DMTF1: variants seen among roughly 807,000 people sequenced by gnomAD.
The protein encoded by DMTF1 is cyclin-D-binding Myb-like transcription factor 1.
DMTF1 carries 39 observed loss-of-function variants against 91.1 expected under a neutral mutation model. That is an observed-to-expected ratio of 0.43 (90% confidence interval 0.33 to 0.56). The LOEUF (loss-of-function observed/expected upper bound fraction) is 0.56. Among genes scored for constraint, DMTF1 ranks in the 20% least tolerant of loss-of-function variants. The pLI, the probability that DMTF1 is intolerant of heterozygous loss-of-function variation, is 0.05. For missense variants in DMTF1, 750 were observed against 914.5 expected (o/e 0.82, Z 2.32); for synonymous variants, 338 against 309.5 (o/e 1.09, Z -0.97).
chr7:87,167,463 T>C (rs1794090630), intron 4 of DMTF1, among the ~76,000 whole-genome samples: 1 of 152,234 alleles, frequency 6.6e-6, no homozygotes, highest in African/African-American at 2.4e-5. Flanking sequence ...GTTGGCACTC[T>C]TAGCACAAAG....
intron 3 of DMTF1, among the ~76,000 whole-genome samples, chr7:87,165,722 TC>T (rs1176460586): frequency 6.6e-6 from 1 of 152,212 alleles, no homozygotes; most frequent in Non-Finnish European, 1.5e-5. Flanking sequence ...TACATGTACT[TC>T]CTAAACCTAG....
At chr7:87,187,397 G>C (rs1214970185) in intron 12 of DMTF1, 5 of 152,234 alleles carry the variant, frequency 3.3e-5, no homozygotes, top group African/African-American at 1.2e-4. Flanking sequence ...AATTAGCCAG[G>C]CATGGTGGGC....
intron 1 of DMTF1, among the ~76,000 whole-genome samples, chr7:87,157,338 G>C (rs1244175432): frequency 1.9e-4 from 29 of 152,106 alleles, no homozygotes; most frequent in Admixed American, 1.9e-3. Context: ...TAGAATCACA[G>C]CTCCAAGCCT....
rs371027158 is a variant in DMTF1, at chr7:87,153,572, TTCTC to T, written c.-132+1020_-132+1023del. Among the ~76,000 whole-genome samples, 47 of 152,284 alleles carry T rather than the reference TTCTC, an allele frequency of 3.1e-4. No homozygotes were observed. The East Asian group carries it at 6.6e-3, about 21-fold the overall frequency. ...ACAGTATGAGTCAGGACTCCTCCCT[TTCTC>T]TCATTGAATTTGTGTAGTTGCTTTT... On this transcript the variant is annotated intron_variant, in intron 1 of 17. Transcript: ENST00000331242.
In DMTF1 at chr7:87,194,729, G is replaced by T; in HGVS notation, c.2074G>T (p.Asp692Tyr). 6.2e-7 allele frequency: 1 copy of T among 1,610,676 alleles called. No homozygotes were observed. Among genetic ancestry groups the T allele is most frequent in the Non-Finnish European group, 8.5e-7 (1 of 1,177,754 alleles). The change falls in exon 17 of 18, where the codon GAT becomes TAT. Residue 692 changes from aspartate to tyrosine, a missense_variant. By Grantham distance (160) the Asp-to-Tyr change is radical. Around this residue, in one of 3 missense-constraint regions of DMTF1, gnomAD observed 410 missense variants for 420.2 expected, o/e 0.98. Coordinates refer to ENST00000331242, the MANE Select transcript of DMTF1 (RefSeq NM_001142327.2). ...TIEEQVDQTIDDETILIVPSP... is the reference protein window; with the variant it reads ...TIEEQVDQTIYDETILIVPSP... ...AGAAGAACAAGTTGATCAAACAATT[G>T]ATGATGAAACAATACTTATCGTTCC...
At chr7:87,181,971 C>CT in intron 9 of DMTF1, 1 of 1,438,296 alleles carries the variant, frequency 7.0e-7, no homozygotes, top group Non-Finnish European at 9.2e-7. Flanking sequence ...GGAAATTGGT[C>CT]TTTTTTGAAC....
In DMTF1 at chr7:87,165,039, G is replaced by A; in HGVS notation, c.98G>A (p.Cys33Tyr). Residue 33 changes from cysteine to tyrosine, a missense_variant, in exon 3 of 18, where the codon TGC becomes TAC. Around this residue, in one of 3 missense-constraint regions of DMTF1, gnomAD observed 150 missense variants for 150.4 expected, o/e 1.00. Transcript: ENST00000331242. ...QDTEGNLILH[C>Y]PQNEADEIDS... is the part of the protein sequence containing the mutation. ...ACAGAAGGGAATCTCATTCTTCACT[G>A]CCCTCAGAATGGTAGGAGAACTTGC... 6.2e-7 allele frequency: 1 copy of A among 1,605,140 alleles called. No homozygotes were observed. The highest frequency in any genetic ancestry group is 1.7e-5 in the Admixed American group (1 of 59,462).
Position 87,195,014 on chromosome 7 carries a change from C to T in DMTF1, c.2174-17C>T. The T allele has an allele frequency of 6.3e-7, 1 of 1,588,126 alleles. No individual in the cohort carries two copies. Among genetic ancestry groups the T allele is most frequent in the Non-Finnish European group, 8.6e-7 (1 of 1,159,726 alleles). ...AATAAATATATACATTTAAGACTAA[C>T]TTGAAACTCATTACAGATCCCATAC... On this transcript the variant is annotated splice_polypyrimidine_tract_variant and intron_variant, in intron 17 of 17. Coordinates refer to ENST00000331242, the MANE Select transcript of DMTF1 (RefSeq NM_001142327.2).
At chr7:87,153,958 A>G (rs572458410) in intron 1 of DMTF1, among the ~76,000 whole-genome samples, 107 of 152,308 alleles carry the variant, frequency 7.0e-4, no homozygotes, top group African/African-American at 2.2e-3. Flanking sequence ...TTATATTTCA[A>G]ATAGCTTTCT....
intron 1 of DMTF1, among the ~76,000 whole-genome samples, chr7:87,160,331 A>G (rs1443582143): frequency 6.6e-6 from 1 of 150,598 alleles, no homozygotes; most frequent in Admixed American, 6.6e-5. Flanking sequence ...CTGGAGTGCA[A>G]TGGGACGATC....
intron 16 of DMTF1, 64 bp downstream of exon 16, chr7:87,194,166 G>A: frequency 6.7e-7 from 1 of 1,493,562 alleles, no homozygotes; most frequent in Non-Finnish European, 8.9e-7. Context: ...TGCAGTTTGG[G>A]AAACTTTTTT....
chr7:87,190,922 A>G (rs1291645652), intron 13 of DMTF1, 23 bp from the exon 14 acceptor site: 6 of 1,589,192 alleles, frequency 3.8e-6, no homozygotes, highest in Non-Finnish European at 3.4e-6. Context: ...TTCTTACCAC[A>G]GCTTACCTTA....
At chr7:87,185,468 G>A (rs4728686) in intron 11 of DMTF1, among the ~76,000 whole-genome samples, 128,213 of 152,216 alleles carry the variant, frequency 0.84, 54,232 homozygotes, top group Middle Eastern at 0.96. Context: ...GATCCAGGAA[G>A]TAAATGACTT....
chr7:87,195,203 AAGAAAT>A lies in DMTF1; in HGVS notation c.*66_*71del. On this transcript the variant is annotated 3_prime_UTR_variant, in exon 18 of 18. Transcript: ENST00000331242. ...CACACTGTTAATTACAACCTCTTCA[AAGAAAT>A]AGGAGCAACCCCCAAGAGGCTTAAT... 1 of 1,184,096 alleles carries A rather than the reference AAGAAAT, an allele frequency of 8.4e-7. No individual in the cohort carries two copies. 73.3% of individuals were successfully genotyped at this position (1,184,096 alleles called of 1,614,324 possible). A position where few individuals can be genotyped will look rare whatever the true frequency, so the allele number is the denominator to read the frequency against.
intron 1 of DMTF1, among the ~76,000 whole-genome samples, chr7:87,157,461 C>T (rs1791057008): frequency 6.6e-6 from 1 of 152,048 alleles, no homozygotes; most frequent in Non-Finnish European, 1.5e-5. Flanking sequence ...CAGCTGTTTA[C>T]AGAATTAGCC....
chr7:87,182,881 T>C (rs1331297108), intron 10 of DMTF1, among the ~76,000 whole-genome samples: 1 of 152,240 alleles, frequency 6.6e-6, no homozygotes, highest in Non-Finnish European at 1.5e-5. Flanking sequence ...CAAATGCCTC[T>C]TAATGCATGC....
At chr7:87,181,155 A>C in intron 8 of DMTF1, 154 bp from the exon 9 acceptor site, 2 of 480,110 alleles carry the variant, frequency 4.2e-6, no homozygotes, top group Non-Finnish European at 7.9e-6. Flanking sequence ...CCTATTCTCA[A>C]CTTTTATTAA....
chr7:87,184,775 A>G (rs539970167), intron 11 of DMTF1, 150 bp downstream of exon 11: 35 of 749,346 alleles, frequency 4.7e-5, no homozygotes, highest in African/African-American at 1.9e-4. Context: ...AGTATTTCAT[A>G]TTGAGCTCTT....
chr7:87,173,957 C>G (rs755745610), intron 6 of DMTF1, among the ~76,000 whole-genome samples: 3 of 152,040 alleles, frequency 2.0e-5, no homozygotes, highest in Admixed American at 6.6e-5. Context: ...AGTAGGAAGT[C>G]AAGCCTTTTC....
Sources: allele counts gnomAD v4.1 joint callset (sites outside exome capture counted in the v4.1 genomes callset), GRCh38; gene constraint gnomAD v4.1.1; regional missense constraint gnomAD v4.1.1; transcripts MANE v1.5; gene names NCBI Gene and HGNC (gene_info 2026-07-23, HGNC 2026-07-21).